The following ULK4 variants were observed in gnomAD, a reference collection of about 807,000 sequenced individuals.
ULK4 encodes the protein unc-51 like kinase 4, also known as inactive serine/threonine-protein kinase ULK4.
Under a neutral mutation model 160.6 loss-of-function variants are expected in ULK4, and 133 were observed. That is an observed-to-expected ratio of 0.83 (90% confidence interval 0.72 to 0.96). The LOEUF is 0.96. Among genes scored for constraint, ULK4 ranks in the 40% least tolerant of loss-of-function variants. The pLI is 0.00. For missense variants in ULK4, 1,580 were observed against 1,499.5 expected, an observed-to-expected ratio of 1.05 and a Z score of -0.89; for synonymous variants, 534 against 539.8, an observed-to-expected ratio of 0.99 and a Z score of 0.15.
intron 22 of ULK4, among the ~76,000 whole-genome samples, chr3:41,730,752 A>G (rs185704537): frequency 1.1e-4 from 17 of 152,336 alleles, no homozygotes; most frequent in Admixed American, 8.5e-4. Context: ...AAGTCTTTCA[A>G]ACTCATTCTA....
intron 27 of ULK4, among the ~76,000 whole-genome samples, chr3:41,685,764 G>C (rs867024287): frequency 6.6e-5 from 10 of 152,082 alleles, no homozygotes; most frequent in African/African-American, 2.4e-4. Flanking sequence ...GCTCTTCAGA[G>C]AGTCTGTCTG....
At chr3:41,648,733 G>T (rs1157062782) in intron 30 of ULK4, among the ~76,000 whole-genome samples, 1 of 152,134 alleles carries the variant, frequency 6.6e-6, no homozygotes, top group African/African-American at 2.4e-5. Context: ...GAGGAGGGTA[G>T]GAATCCCCAA....
At chr3:41,949,391 T>C (rs1006766751) in intron 2 of ULK4, among the ~76,000 whole-genome samples, 2 of 150,422 alleles carry the variant, frequency 1.3e-5, no homozygotes, top group Admixed American at 6.6e-5. Context: ...TTTTGCAAAG[T>C]AAAATACAAA....
chr3:41,291,046 A>ATTTTT (rs755559180), intron 35 of ULK4, among the ~76,000 whole-genome samples: 1 of 151,160 alleles, frequency 6.6e-6, no homozygotes, highest in African/African-American at 2.5e-5. Context: ...GGCAGATGGG[A>ATTTTT]TTTTTTTTGT....
chr3:41,819,327 C>CA (rs1346097621), intron 19 of ULK4, 96 bp downstream of exon 19: 2 of 1,134,598 alleles, frequency 1.8e-6, no homozygotes, highest in African/African-American at 3.1e-5. Flanking sequence ...ACTTGGTTGA[C>CA]AAGCTCCTGC....
At position 41,855,301 on chromosome 3, in the gene ULK4, T is replaced by C. The variant is rs532632069; in HGVS notation, c.1657-19330A>G. On this transcript the variant is annotated intron_variant, in intron 17 of 36. Coordinates refer to ENST00000301831, the MANE Select transcript of ULK4 (RefSeq NM_017886.4). ...AACCACAAACAAAACCTGATGAATA[T>C]GGAGGGAGAAACCATTCCAGGCAGA... 2.0e-5 allele frequency among the ~76,000 whole-genome samples: 3 copies of C among 151,106 alleles called. No individual in the cohort carries two copies. In the South Asian group the frequency reaches 6.2e-4, roughly 31 times the overall value.
At chr3:41,781,237 G>A (rs2039830146) in intron 21 of ULK4, among the ~76,000 whole-genome samples, 1 of 151,998 alleles carries the variant, frequency 6.6e-6, no homozygotes, top group African/African-American at 2.4e-5. Flanking sequence ...ACTCTGCGGT[G>A]AAACCCTGTC....
chr3:41,381,695 C>T (rs1030633259), intron 35 of ULK4, among the ~76,000 whole-genome samples: 4 of 152,158 alleles, frequency 2.6e-5, no homozygotes, highest in African/African-American at 4.8e-5. Context: ...ACAGCAACCC[C>T]CTGACATGTA....
chr3:41,865,669 C>T (rs1559617488), intron 17 of ULK4, among the ~76,000 whole-genome samples: 1 of 152,128 alleles, frequency 6.6e-6, no homozygotes. Context: ...CCAGGGCCTA[C>T]CCAATTACTT....
chr3:41,553,476 G>A (rs906944663), intron 32 of ULK4, among the ~76,000 whole-genome samples: 2 of 151,974 alleles, frequency 1.3e-5, no homozygotes, highest in Non-Finnish European at 2.9e-5. Context: ...ACCGCCAACA[G>A]GTATATGACA....
chr3:41,326,502 T>C (rs548347149), intron 35 of ULK4, among the ~76,000 whole-genome samples: 14 of 151,880 alleles, frequency 9.2e-5, no homozygotes, highest in Admixed American at 2.6e-4. Context: ...AATAATAATA[T>C]ATGTTACCTC....
chr3:41,368,960 C>T (rs112404307), intron 35 of ULK4, among the ~76,000 whole-genome samples: 1 of 152,126 alleles, frequency 6.6e-6, no homozygotes, highest in Non-Finnish European at 1.5e-5. Context: ...ACCCGCTTTG[C>T]TCCTACCTAG....
intron 32 of ULK4, among the ~76,000 whole-genome samples, chr3:41,506,879 C>G (rs1403646765): frequency 7.0e-6 from 1 of 142,734 alleles, no homozygotes; most frequent in African/African-American, 2.6e-5. Context: ...ACACATGCAC[C>G]CTCCTGCCTA....
At chr3:41,346,151 C>T (rs892462221) in intron 35 of ULK4, among the ~76,000 whole-genome samples, 4 of 152,024 alleles carry the variant, frequency 2.6e-5, no homozygotes, top group Non-Finnish European at 5.9e-5. Flanking sequence ...AGGAGGAACC[C>T]GCTGGCTGGG....
At chr3:41,960,224 G>A (rs1436908537) in intron 1 of ULK4, among the ~76,000 whole-genome samples, 2 of 151,996 alleles carry the variant, frequency 1.3e-5, no homozygotes, top group South Asian at 2.1e-4. Flanking sequence ...TGACCATCAA[G>A]TCACATGTGG....
intron 32 of ULK4, among the ~76,000 whole-genome samples, chr3:41,517,050 A>G (rs562848108): frequency 4.6e-5 from 7 of 152,332 alleles, no homozygotes; most frequent in African/African-American, 1.7e-4. Flanking sequence ...ATTCAATTAA[A>G]AACGGGCAAA....
intron 32 of ULK4, among the ~76,000 whole-genome samples, chr3:41,532,428 T>C (rs2086350499): frequency 6.6e-6 from 1 of 151,410 alleles, no homozygotes; most frequent in Non-Finnish European, 1.5e-5. Flanking sequence ...CAGTATTTAT[T>C]AACTAACATC....
chr3:41,620,885 A>C (rs1052427379), intron 30 of ULK4, among the ~76,000 whole-genome samples: 2 of 152,212 alleles, frequency 1.3e-5, no homozygotes, highest in African/African-American at 2.4e-5. Context: ...TCAGCCCAAA[A>C]GTTCCTTAAG....
intron 35 of ULK4, among the ~76,000 whole-genome samples, chr3:41,328,626 C>A (rs2080382394): frequency 6.6e-6 from 1 of 152,100 alleles, no homozygotes. Flanking sequence ...TCGTAGAAGG[C>A]AATATATGTA....
Sources: allele counts gnomAD v4.1 joint callset (sites outside exome capture counted in the v4.1 genomes callset), GRCh38; gene constraint gnomAD v4.1.1; transcripts MANE v1.5; gene names NCBI Gene and HGNC (gene_info 2026-07-23, HGNC 2026-07-21).